WDPCP: variants seen among roughly 807,000 people sequenced by gnomAD.
WDPCP encodes WD repeat containing planar cell polarity effector.
Under a neutral mutation model 93.1 loss-of-function variants are expected in WDPCP, and 71 were observed. The ratio of observed to expected loss-of-function variants is 0.76; its 90% CI spans 0.63 to 0.93. The LOEUF (loss-of-function observed/expected upper bound fraction) is 0.93, where lower values mean the gene tolerates loss of function less well. WDPCP is among the 40% of genes least tolerant of loss of function. The probability of loss-of-function intolerance (pLI) is 0.00; values close to 1 mark genes in which losing one functional copy is unlikely to be tolerated. For synonymous variants in WDPCP, 315 were observed against 315.0 expected (o/e 1.00, Z 0.00); for missense variants, 844 against 887.4 (o/e 0.95, Z 0.62).
chr2:63,350,246 C>T (rs1689490772), intron 12 of WDPCP, among the ~76,000 whole-genome samples: 1 of 152,070 alleles, frequency 6.6e-6, no homozygotes, highest in Non-Finnish European at 1.5e-5. Context: ...ACAATGGGAA[C>T]ACTTGGACAC....
chr2:63,547,181 T>C (rs1466625287), intron 1 of WDPCP, among the ~76,000 whole-genome samples: 2 of 151,736 alleles, frequency 1.3e-5, no homozygotes, highest in African/African-American at 4.8e-5. Flanking sequence ...CAACGAAATG[T>C]AAATCAAAAC....
chr2:63,480,600 A>G (rs923463311), intron 6 of WDPCP, among the ~76,000 whole-genome samples: 1 of 152,188 alleles, frequency 6.6e-6, no homozygotes, highest in Non-Finnish European at 1.5e-5. Flanking sequence ...CAGCCAACTG[A>G]TCTCTGACAA....
chr2:63,233,508 G>C lies in WDPCP; in HGVS notation c.1915+25799C>G, dbSNP rs1382507508. The C allele has an allele frequency of 1.7e-5, 3 of 175,066 alleles. 1 individual carries two copies. In the Admixed American group the frequency reaches 1.8e-4, roughly 10 times the overall value. 10.8% of individuals were successfully genotyped at this position (175,066 alleles called of 1,614,324 possible). ...CCACATTCTTTATTTTCTCCAATCGGTAAAACTTCTTCTAGAGGAACGCCA... is the reference window on the plus strand; with the variant it reads ...CCACATTCTTTATTTTCTCCAATCGCTAAAACTTCTTCTAGAGGAACGCCA... On this transcript the variant is annotated intron_variant, in intron 14 of 17. Transcript: ENST00000272321.
intron 6 of WDPCP, among the ~76,000 whole-genome samples, chr2:63,455,737 G>A (rs1051710569): frequency 3.3e-5 from 5 of 151,984 alleles, no homozygotes; most frequent in Admixed American, 1.3e-4. Flanking sequence ...AATAGTAGGA[G>A]GCATCAACAG....
chr2:63,174,266 T>C (rs903200909), intron 15 of WDPCP, among the ~76,000 whole-genome samples: 3 of 152,160 alleles, frequency 2.0e-5, no homozygotes, highest in Non-Finnish European at 4.4e-5. Context: ...AGATATCAGA[T>C]ATTTAAACTA....
intron 17 of WDPCP, among the ~76,000 whole-genome samples, chr2:63,142,935 C>T (rs1453944751): frequency 1.3e-5 from 2 of 151,256 alleles, no homozygotes; most frequent in Non-Finnish European, 3.0e-5. Context: ...CACACACACA[C>T]ACACACACAC....
intron 14 of WDPCP, among the ~76,000 whole-genome samples, chr2:63,221,178 A>T (rs749647371): frequency 6.6e-6 from 1 of 152,198 alleles, no homozygotes; most frequent in Non-Finnish European, 1.5e-5. Context: ...ATGAGATAAG[A>T]GAACCAGGAG....
intron 1 of WDPCP, among the ~76,000 whole-genome samples, chr2:63,572,576 G>A (rs770241929): frequency 1.1e-4 from 17 of 150,452 alleles, no homozygotes; most frequent in Admixed American, 9.3e-4. Context: ...GGTGGCGGGC[G>A]CCTGTAATCC....
chr2:63,478,091 G>C (rs1311696842), intron 6 of WDPCP, among the ~76,000 whole-genome samples: 1 of 152,058 alleles, frequency 6.6e-6, no homozygotes, highest in East Asian at 1.9e-4. Flanking sequence ...AAGAGACAAA[G>C]AGTGACATTA....
intron 1 of WDPCP, among the ~76,000 whole-genome samples, chr2:63,527,114 C>A (rs1442754913): frequency 6.6e-6 from 1 of 152,078 alleles, no homozygotes; most frequent in Non-Finnish European, 1.5e-5. Context: ...AGAAGTCTCT[C>A]ACATTCCTGC....
intron 2 of WDPCP, among the ~76,000 whole-genome samples, chr2:63,796,040 T>C (rs116305989): frequency 0.012 from 1,869 of 152,292 alleles, 17 homozygotes; most frequent in Non-Finnish European, 0.015. Flanking sequence ...TGCTGAGCAA[T>C]GAGACGTGAG....
intron 3 of WDPCP, among the ~76,000 whole-genome samples, chr2:63,641,555 C>T (rs1222665707): frequency 6.6e-6 from 1 of 152,114 alleles, no homozygotes; most frequent in Non-Finnish European, 1.5e-5. Flanking sequence ...ATATTGGGCA[C>T]TTTTTCATAT....
In WDPCP at chr2:63,298,032, T is replaced by A. The variant is rs145956841; in HGVS notation, c.1812+15216A>T. On this transcript the variant is annotated intron_variant, in intron 13 of 17. Transcript: ENST00000272321. Reference sequence around the variant, plus strand: ...TGGCCAAAGGGTAAAACCTCCAGAATGCATGCTTCTGGCAGTACCTGACTT... The same window carrying A: ...TGGCCAAAGGGTAAAACCTCCAGAAAGCATGCTTCTGGCAGTACCTGACTT... Among the ~76,000 whole-genome samples the A allele has an allele frequency of 1.4e-4, 21 of 152,290 alleles. No individual in the cohort carries two copies. In the East Asian group the frequency reaches 3.9e-3, roughly 28 times the overall value.
intron 2 of WDPCP, among the ~76,000 whole-genome samples, chr2:63,726,221 T>C (rs1234152409): frequency 6.6e-6 from 1 of 152,246 alleles, no homozygotes; most frequent in Non-Finnish European, 1.5e-5. Context: ...AGTTGATTTT[T>C]GTATATGGTG....
At chr2:63,662,790 G>C (rs1280639010) in intron 2 of WDPCP, among the ~76,000 whole-genome samples, 1 of 152,202 alleles carries the variant, frequency 6.6e-6, no homozygotes, top group Admixed American at 6.5e-5. Flanking sequence ...AGGTGTGTTT[G>C]CCATTCAATC....
intron 6 of WDPCP, among the ~76,000 whole-genome samples, chr2:63,481,754 G>C (rs898366104): frequency 4.0e-5 from 6 of 151,770 alleles, no homozygotes; most frequent in African/African-American, 1.5e-4. Context: ...GGGTGGGAGG[G>C]GGGTGAGGGA....
intron 1 of WDPCP, among the ~76,000 whole-genome samples, chr2:63,498,919 C>T (rs1329755870): frequency 6.6e-6 from 1 of 152,160 alleles, no homozygotes; most frequent in Non-Finnish European, 1.5e-5. Context: ...AATAAGGAGA[C>T]CTCAAGCTTG....
intron 6 of WDPCP, among the ~76,000 whole-genome samples, chr2:63,449,680 A>G (rs1325686881): frequency 2.0e-5 from 3 of 152,052 alleles, no homozygotes; most frequent in African/African-American, 7.3e-5. Flanking sequence ...TGATTTGGAG[A>G]CCCTGAGAGG....
intron 10 of WDPCP, among the ~76,000 whole-genome samples, chr2:63,385,998 G>C (rs1364121450): frequency 6.6e-6 from 1 of 151,860 alleles, no homozygotes; most frequent in African/African-American, 2.4e-5. Context: ...TCTGACAATT[G>C]GTGCTGGAAC....
Sources: allele counts gnomAD v4.1 joint callset (sites outside exome capture counted in the v4.1 genomes callset), GRCh38; gene constraint gnomAD v4.1.1; transcripts MANE v1.5; gene names NCBI Gene and HGNC (gene_info 2026-07-23, HGNC 2026-07-21).